The following ASAP1 variants were observed in gnomAD, a reference collection of about 807,000 sequenced individuals.
ASAP1 encodes the protein arf-GAP with SH3 domain, ANK repeat and PH domain-containing protein 1.
ASAP1 carries 43 observed loss-of-function variants against 145.2 expected under a neutral mutation model. The observed-to-expected ratio is 0.30, with a 90% CI of 0.23 to 0.38. ASAP1 has a LOEUF of 0.38. Ranked by LOEUF, ASAP1 falls within the 10% of genes least tolerant of loss-of-function variation. The probability of loss-of-function intolerance (pLI) is 1.00; values close to 1 mark genes in which losing one functional copy is unlikely to be tolerated. For missense variants in ASAP1, 1,018 were observed against 1,355.3 expected, an observed-to-expected ratio of 0.75 and a Z score of 3.91; for synonymous variants, 546 against 515.5, an observed-to-expected ratio of 1.06 and a Z score of -0.80.
chr8:130,153,180 C>T (rs749948155), intron 12 of ASAP1, among the ~76,000 whole-genome samples: 6 of 151,050 alleles, frequency 4.0e-5, no homozygotes, highest in East Asian at 1.9e-4. Flanking sequence ...CCACTGCGCC[C>T]GGCTAATTTT....
chr8:130,184,037 C>A (rs1814548581), intron 7 of ASAP1, among the ~76,000 whole-genome samples: 1 of 152,062 alleles, frequency 6.6e-6, no homozygotes, highest in Non-Finnish European at 1.5e-5. Flanking sequence ...CTGACATCTG[C>A]TAGAGCAGAT....
intron 4 of ASAP1, among the ~76,000 whole-genome samples, chr8:130,227,555 T>C (rs115288410): frequency 0.026 from 4,006 of 152,080 alleles, 63 homozygotes; most frequent in Middle Eastern, 0.044. Flanking sequence ...ACACTGCACC[T>C]GGACTCTCCA....
intron 4 of ASAP1, among the ~76,000 whole-genome samples, chr8:130,227,624 G>C (rs756562037): frequency 6.6e-6 from 1 of 150,478 alleles, no homozygotes; most frequent in African/African-American, 2.4e-5. Flanking sequence ...TCCAATCAAT[G>C]CTTATATGTT....
chr8:130,222,262 A>G (rs1044803860), intron 4 of ASAP1, among the ~76,000 whole-genome samples: 1 of 134,858 alleles, frequency 7.4e-6, no homozygotes, highest in Admixed American at 6.9e-5. Flanking sequence ...AACTGACACT[A>G]TGTGTTATAC....
intron 9 of ASAP1, among the ~76,000 whole-genome samples, chr8:130,174,273 C>T (rs963084770): frequency 6.6e-6 from 1 of 152,164 alleles, no homozygotes; most frequent in African/African-American, 2.4e-5. Flanking sequence ...TGAGCTACTA[C>T]AGATAAAAGT....
chr8:130,299,977 T>G, intron 3 of ASAP1, among the ~76,000 whole-genome samples: 1 of 152,046 alleles, frequency 6.6e-6, no homozygotes, highest in Non-Finnish European at 1.5e-5. Flanking sequence ...ATGAGCCACA[T>G]ATGCAGGATA....
At chr8:130,284,842 TACACACAC>T (rs34799517) in intron 3 of ASAP1, among the ~76,000 whole-genome samples, 91 of 141,604 alleles carry the variant, frequency 6.4e-4, no homozygotes, top group African/African-American at 1.5e-3. Flanking sequence ...TTTTACACTC[TACACACAC>T]ACACACACAC....
chr8:130,069,290 C>T (rs1283394596), intron 27 of ASAP1, among the ~76,000 whole-genome samples: 2 of 152,148 alleles, frequency 1.3e-5, no homozygotes, highest in African/African-American at 4.8e-5. Context: ...GGCTGGAGTG[C>T]AGTGGCGTGA....
chr8:130,281,585 T>C (rs77791167), intron 3 of ASAP1, among the ~76,000 whole-genome samples: 1 of 152,184 alleles, frequency 6.6e-6, no homozygotes, highest in Admixed American at 6.5e-5. Context: ...GTGTAAAAAA[T>C]AGTTTTTTTG....
rs1450711018 is a variant in ASAP1, at chr8:130,278,085, A to AT, written c.187-41092_187-41091insA. Reference sequence around the variant, plus strand: ...GTTGAAAACCAGAAAAAAAAAAAAAAATCAAAGGGCCTTATAAAAGTTATG... The same window carrying AT: ...GTTGAAAACCAGAAAAAAAAAAAAAATATCAAAGGGCCTTATAAAAGTTATG... On this transcript the variant is annotated intron_variant, in intron 3 of 29. Transcript: ENST00000518721. 6.2e-3 allele frequency among the ~76,000 whole-genome samples: 947 copies of AT among 152,224 alleles called. 9 individuals are homozygous for AT. The highest frequency in any genetic ancestry group is 0.022 in the African/African-American group (916 of 41,512).
chr8:130,260,081 G>GA (rs1279612944), intron 3 of ASAP1, among the ~76,000 whole-genome samples: 1 of 152,100 alleles, frequency 6.6e-6, no homozygotes, highest in Admixed American at 6.5e-5. Flanking sequence ...CCAGTTATGG[G>GA]AAAAAACCCA....
intron 4 of ASAP1, among the ~76,000 whole-genome samples, chr8:130,225,197 G>C (rs763902583): frequency 6.6e-6 from 1 of 152,132 alleles, no homozygotes; most frequent in Non-Finnish European, 1.5e-5. Flanking sequence ...TATAATATGT[G>C]TTGCAAATAT....
chr8:130,377,792 T>C (rs554610714), intron 2 of ASAP1, among the ~76,000 whole-genome samples: 1 of 152,324 alleles, frequency 6.6e-6, no homozygotes, highest in South Asian at 2.1e-4. Context: ...CAGGGTGCTC[T>C]CCACACAGCC....
At chr8:130,366,256 G>T (rs1489712506) in intron 2 of ASAP1, among the ~76,000 whole-genome samples, 5 of 152,198 alleles carry the variant, frequency 3.3e-5, no homozygotes, top group Non-Finnish European at 7.3e-5. Context: ...TTTAAAAATT[G>T]TAACAGTATA....
intron 3 of ASAP1, among the ~76,000 whole-genome samples, chr8:130,339,193 C>T (rs973942004): frequency 6.6e-6 from 1 of 152,218 alleles, no homozygotes; most frequent in African/African-American, 2.4e-5. Context: ...CAACACTTAA[C>T]CAGTAGCCAC....
chr8:130,245,327 TTC>T (rs1186217785), intron 3 of ASAP1, among the ~76,000 whole-genome samples: 4 of 152,172 alleles, frequency 2.6e-5, no homozygotes, highest in Non-Finnish European at 5.9e-5. Context: ...TTATAAAGAT[TTC>T]TGTCAGAAAC....
chr8:130,294,856 AG>A (rs765220313), intron 3 of ASAP1, among the ~76,000 whole-genome samples: 12 of 152,262 alleles, frequency 7.9e-5, no homozygotes, highest in Non-Finnish European at 1.3e-4. Context: ...GCCATTAAAA[AG>A]ATAGTAAGAT....
In ASAP1 at chr8:130,053,449, A is replaced by G. The variant is rs1398437765; in HGVS notation, c.*1282T>C. The G allele has an allele frequency of 6.6e-6, 1 of 152,252 alleles. No individual in the cohort carries two copies. Among genetic ancestry groups the G allele is most frequent in the East Asian group, 1.9e-4 (1 of 5,196 alleles). 9.4% of individuals were successfully genotyped at this position (152,252 alleles called of 1,614,324 possible). Reference sequence around the variant, plus strand: ...CATGGCTGGGATGAAAAGAAAACTGAGAGGGAAGAGTGCTTTTCACAGTGC... The same window carrying G: ...CATGGCTGGGATGAAAAGAAAACTGGGAGGGAAGAGTGCTTTTCACAGTGC... On this transcript the variant is annotated 3_prime_UTR_variant, in exon 30 of 30. Transcript: ENST00000518721.
chr8:130,382,986 A>G (rs1448007298), intron 2 of ASAP1, among the ~76,000 whole-genome samples: 1 of 152,216 alleles, frequency 6.6e-6, no homozygotes, highest in Admixed American at 6.5e-5. Context: ...TGGATAAGGA[A>G]GTCCCAGCAG....
Sources: gnomAD v4.1 joint callset for allele counts (sites outside exome capture counted in the v4.1 genomes callset) on GRCh38, gnomAD v4.1.1 for gene constraint, MANE v1.5 for transcripts, NCBI Gene and HGNC (gene_info 2026-07-23, HGNC 2026-07-21) for gene names.